Variants in MACF1 observed in about 807,000 individuals in gnomAD.
The protein encoded by MACF1 is microtubule-actin cross-linking factor 1.
MACF1 carries 193 observed loss-of-function variants against 854.8 expected under a neutral mutation model. That is an observed-to-expected ratio of 0.23 (90% confidence interval 0.20 to 0.25). The LOEUF is 0.25. MACF1 is among the 10% of genes least tolerant of loss of function. MACF1 has a pLI of 1.00. For missense variants in MACF1, 7,722 were observed against 8,929.1 expected (o/e 0.86, Z 5.45); for synonymous variants, 3,185 against 3,226.7 (o/e 0.99, Z 0.44).
intron 2 of MACF1, among the ~76,000 whole-genome samples, chr1:39,235,125 A>G (rs1485719600): frequency 2.6e-5 from 4 of 151,952 alleles, no homozygotes; most frequent in African/African-American, 9.6e-5. Context: ...AGAGGCTGCA[A>G]TCTCGGCACT....
Position 39,105,477 on chromosome 1 carries a change from G to T in MACF1, c.220+21039G>T, listed in dbSNP as rs1044338801. 72 of 1,009,886 alleles carry T rather than the reference G, an allele frequency of 7.1e-5. No homozygotes were observed. In the African/African-American group the frequency reaches 1.2e-3, roughly 16 times the overall value. 62.6% of individuals were successfully genotyped at this position (1,009,886 alleles called of 1,614,324 possible). The stretch of plus-strand genomic sequence containing the variant: ...GGAGCGGAGCGCGACTGCCGGGCCG[G>T]GCGAGGCGGGCGGACGGCGGAGAGC... On this transcript the variant is annotated intron_variant, in intron 2 of 93. Transcript: ENST00000361689. The surrounding 1 kb of genome is among the most constrained non-coding windows in gnomAD (Gnocchi z 5.9).
At chr1:39,432,976 A>T in intron 67 of MACF1, 72 bp from the exon 68 acceptor site, 1 of 954,690 alleles carries the variant, frequency 1.0e-6, no homozygotes, top group Non-Finnish European at 1.6e-6. Flanking sequence ...TTTTTCATAG[A>T]TTTTGTCTTA....
chr1:39,297,548 G>A (rs1645949835), intron 20 of MACF1, 72 bp from the exon 21 acceptor site: 1 of 1,583,544 alleles, frequency 6.3e-7, no homozygotes, highest in Non-Finnish European at 8.7e-7. Flanking sequence ...CAGTAAAATT[G>A]TTCTTTCTTA....
At chr1:39,181,967 A>G (rs555634409) in intron 2 of MACF1, among the ~76,000 whole-genome samples, 5 of 152,246 alleles carry the variant, frequency 3.3e-5, no homozygotes, top group African/African-American at 1.2e-4. Flanking sequence ...CCTGGCCAAC[A>G]TTGTGAAACC....
Position 39,111,768 on chromosome 1 carries a change from C to G in MACF1, c.220+27330C>G, listed in dbSNP as rs866957827. On this transcript the variant is annotated intron_variant, in intron 2 of 93. Coordinates refer to the MACF1 transcript ENST00000361689. ...GCTTCAAGCCATCCTCTTGCCCTGG[C>G]CTCCCAAAACGCTGGGATTTCAGGT... Among the ~76,000 whole-genome samples the G allele has an allele frequency of 8.5e-5, 13 of 152,266 alleles. No individual in the cohort carries two copies. The South Asian group carries it at 1.2e-3, about 15-fold the overall frequency.
In MACF1 at chr1:39,448,611, T is replaced by C. The variant is rs780431249; in HGVS notation, c.20106T>C (p.Leu6702=). The stretch of plus-strand genomic sequence containing the variant: ...AAACATAGGAGTTTCAGAAGACTCT[T>C]GGTGGCAAGCAGCCTGTGTATGATA... ...LSKHKEFQKT[L]GGKQPVYDTT... The change falls in exon 84 of 101, where the codon CTT becomes CTC. Residue 6702 remains leucine (L), a synonymous_variant. Transcript: ENST00000564288. The C allele has an allele frequency of 2.6e-6, 4 of 1,559,302 alleles. 1 individual carries two copies. The highest frequency in any genetic ancestry group is 2.4e-5 in the South Asian group (2 of 82,250).
In MACF1 at chr1:39,105,039, C is replaced by T. The variant is rs550157078; in HGVS notation, c.220+20601C>T. Among the ~76,000 whole-genome samples the T allele has an allele frequency of 2.8e-3, 424 of 152,314 alleles. 2 individuals carry two copies. Among genetic ancestry groups the T allele is most frequent in the Non-Finnish European group, 4.5e-3 (308 of 68,004 alleles). On this transcript the variant is annotated intron_variant, in intron 2 of 93. Transcript: ENST00000361689. The surrounding 1 kb of genome is among the most constrained non-coding windows in gnomAD (Gnocchi z 5.9). ...AGCGCTGACTGGGGCTCCCGCTCGC[C>T]CTGTGGAGCCGGCCCGGGTCTCCCT...
chr1:39,394,237 CATTT>C (rs1240177797), intron 58 of MACF1, among the ~76,000 whole-genome samples: 2 of 143,608 alleles, frequency 1.4e-5, no homozygotes, highest in Non-Finnish European at 3.0e-5. Context: ...TAAACGCCTT[CATTT>C]GATTGATTGA....
intron 97 of MACF1, among the ~76,000 whole-genome samples, chr1:39,476,778 G>C (rs1200695239): frequency 2.0e-5 from 3 of 151,614 alleles, no homozygotes; most frequent in Non-Finnish European, 2.9e-5. Flanking sequence ...GTAGGGCATG[G>C]AGTAAAGTTT....
chr1:39,394,411 C>T (rs987081647), intron 58 of MACF1, among the ~76,000 whole-genome samples: 2 of 152,056 alleles, frequency 1.3e-5, no homozygotes, highest in South Asian at 4.1e-4. Flanking sequence ...CACCTGAGGT[C>T]AGGAGTTCGA....
At chr1:39,267,730 T>G (rs547778887) in intron 6 of MACF1, among the ~76,000 whole-genome samples, 2 of 152,338 alleles carry the variant, frequency 1.3e-5, no homozygotes, top group Admixed American at 1.3e-4. Flanking sequence ...ATATTGTTCA[T>G]CAGAGACCCT....
In MACF1 at chr1:39,333,727, C is replaced by A. The variant is rs1191617009; in HGVS notation, c.7139C>A (p.Thr2380Lys). The change falls in exon 37 of 101, where the codon ACA becomes AAA. Residue 2380 changes from threonine to lysine, a missense_variant. Thr to Lys is a moderately conservative substitution (Grantham distance 78, BLOSUM62 -1). Coordinates refer to ENST00000564288, the MANE Select transcript of MACF1 (RefSeq NM_001394062.1). ...GGTGTCTTAGACCCCCGTACCCAGA[C>A]ACTGTGCTCTGTAAAGGATGCAGTT... ...ISGVLDPRTQ[T>K]LCSVKDAVTV... The A allele has an allele frequency of 6.2e-7, 1 of 1,614,044 alleles. No individual in the cohort carries two copies. Among genetic ancestry groups the A allele is most frequent in the Non-Finnish European group, 8.5e-7 (1 of 1,180,034 alleles).
At chr1:39,317,472 A>C in intron 29 of MACF1, 65 bp downstream of exon 29, 10 of 1,500,710 alleles carry the variant, frequency 6.7e-6, no homozygotes, top group Non-Finnish European at 9.0e-6. Flanking sequence ...ACAAAAACAG[A>C]GTTATATCTG....
At position 39,316,373 on chromosome 1, in the gene MACF1, GT is replaced by G; in HGVS notation, c.3450-17del. 6.3e-7 allele frequency: 1 copy of G among 1,590,234 alleles called. No homozygotes were observed. The highest frequency in any genetic ancestry group is 8.6e-7 in the Non-Finnish European group (1 of 1,165,332). On this transcript the variant is annotated splice_polypyrimidine_tract_variant and intron_variant, in intron 27 of 100. Transcript: ENST00000564288. ...AAAATTCATGTGTTAATGAAGGAAT[GT>G]GTATTTGTCCCCACAGGTTAAAGAC...
At chr1:39,352,349 A>G (rs1427638242) in intron 43 of MACF1, among the ~76,000 whole-genome samples, 3 of 152,158 alleles carry the variant, frequency 2.0e-5, no homozygotes, top group Admixed American at 6.5e-5. Context: ...GGAAAGGATG[A>G]AAGAAGTTTG....
At chr1:39,150,902 T>C (rs939277488) in intron 2 of MACF1, among the ~76,000 whole-genome samples, 3 of 152,332 alleles carry the variant, frequency 2.0e-5, no homozygotes, top group African/African-American at 7.2e-5. Flanking sequence ...TAGGATTTTG[T>C]CCTTGGCACT....
In MACF1 at chr1:39,283,406, C is replaced by T. The variant is rs1313847032; in HGVS notation, c.809-3C>T. On this transcript the variant is annotated splice_polypyrimidine_tract_variant and splice_region_variant and intron_variant, in intron 8 of 100. Coordinates refer to ENST00000564288, the MANE Select transcript of MACF1 (RefSeq NM_001394062.1). This position sits in a 1 kb window ranked among gnomAD's most constrained non-coding sequence, Gnocchi z 4.5. ...AAGAAATTTCTTGTCCATTCTCTCTCAGATGTGGATGTGCCATCTCCAGAT... is the reference window on the plus strand; with the variant it reads ...AAGAAATTTCTTGTCCATTCTCTCTTAGATGTGGATGTGCCATCTCCAGAT... 6.2e-7 allele frequency: 1 copy of T among 1,602,882 alleles called. No individual in the cohort carries two copies. The highest frequency in any genetic ancestry group is 8.5e-7 in the Non-Finnish European group (1 of 1,169,836).
At chr1:39,144,993 C>CAA (rs1643430708) in intron 2 of MACF1, among the ~76,000 whole-genome samples, 2 of 152,170 alleles carry the variant, frequency 1.3e-5, no homozygotes. Flanking sequence ...CCTGACCTAT[C>CAA]ATGTACAATA....
rs1302829084 is a variant in MACF1, at chr1:39,409,918, A to G, written c.15817-12456A>G. On this transcript the variant is annotated intron_variant, in intron 58 of 100. Transcript: ENST00000564288. This position sits in a 1 kb window ranked among gnomAD's most constrained non-coding sequence, Gnocchi z 4.2. ...TCTGCTTCGGTGAGAAGTGAGTGGA[A>G]CTAGATATCGAAAAAGACTCGTCAA... The G allele has an allele frequency of 5.0e-6, 1 of 201,366 alleles. No individual in the cohort carries two copies. The highest frequency in any genetic ancestry group is 9.9e-6 in the Non-Finnish European group (1 of 100,636). The allele number at this position is 201,366 out of a possible 1,614,324, so 12.5% of individuals were successfully genotyped here.
Sources: gnomAD v4.1 joint callset for allele counts (sites outside exome capture counted in the v4.1 genomes callset) on GRCh38, gnomAD v4.1.1 for gene constraint, Gnocchi (gnomAD v3.1) non-coding constraint, MANE v1.5 for transcripts, NCBI Gene and HGNC (gene_info 2026-07-23, HGNC 2026-07-21) for gene names.